RESF1: variants seen among roughly 807,000 people sequenced by gnomAD.
RESF1 encodes retroelement silencing factor 1.
Under a neutral mutation model 134.7 loss-of-function variants are expected in RESF1, and 65 were observed. The ratio of observed to expected loss-of-function variants is 0.48; its 90% CI spans 0.40 to 0.59. RESF1 has a LOEUF of 0.59. RESF1 is among the 20% of genes least tolerant of loss of function. The pLI, the probability that RESF1 is intolerant of heterozygous loss-of-function variation, is 0.00. For missense variants in RESF1, 2,274 were observed against 2,002.7 expected (o/e 1.14, Z -2.59); for synonymous variants, 762 against 702.2 (o/e 1.09, Z -1.35).
chr12:31,987,266 A>T lies in RESF1; in HGVS notation c.5030A>T (p.Asp1677Val). Reference sequence around the variant, plus strand: ...TCAGGAATAAAAAGTACAAAAGAAGACTGGTTAAAATTTGTTGCTACAAAG... The same window carrying T: ...TCAGGAATAAAAAGTACAAAAGAAGTCTGGTTAAAATTTGTTGCTACAAAG... The part of the protein sequence containing the change: ...QVSGIKSTKE[D>V]WLKFVATKKR... Residue 1677 changes from aspartate to valine, a missense_variant, in exon 5 of 6, where the codon GAC becomes GTC. Physicochemically the swap from Asp to Val is radical, Grantham distance 152. Transcript: ENST00000312561. The T allele has an allele frequency of 6.3e-7, 1 of 1,595,390 alleles. No individual in the cohort carries two copies. The highest frequency in any genetic ancestry group is 1.7e-5 in the Admixed American group (1 of 59,254).
rs1939838645 is a variant in RESF1, at chr12:31,982,810, A to G, written c.1855A>G (p.Asn619Asp). 5.6e-6 allele frequency: 9 copies of G among 1,614,054 alleles called. No homozygotes were observed. The highest frequency in any genetic ancestry group is 1.3e-5 in the African/African-American group (1 of 74,942). The change falls in exon 4 of 6, where the codon AAT becomes GAT. Residue 619 changes from asparagine (N) to aspartate (D), a missense_variant. Transcript: ENST00000312561. ...SKPDSCEMNP[N>D]TQMTGNQLNL... Reference sequence around the variant, plus strand: ...ACCAGACAGTTGTGAAATGAATCCAAATACCCAAATGACTGGTAACCAACT... The same window carrying G: ...ACCAGACAGTTGTGAAATGAATCCAGATACCCAAATGACTGGTAACCAACT...
In RESF1 at chr12:31,960,878, G is replaced by C. The variant is rs1939249675; in HGVS notation, c.-247+7G>C. 1 of 152,208 alleles carries C rather than the reference G, an allele frequency of 6.6e-6. No homozygotes were observed. The highest frequency in any genetic ancestry group is 2.4e-5 in the African/African-American group (1 of 41,448). 9.4% of individuals were successfully genotyped at this position (152,208 alleles called of 1,614,324 possible). The stretch of plus-strand genomic sequence containing the variant: ...AGTAAAGTTGTGCTCAACGGTAAGT[G>C]TATCACCTCTAAGAAACCCGCCCTG... On this transcript the variant is annotated splice_region_variant and intron_variant, in intron 2 of 5. Transcript: ENST00000312561.
chr12:31,982,896 C>G lies in RESF1; in HGVS notation c.1941C>G (p.Asn647Lys). 1 of 1,614,064 alleles carries G rather than the reference C, an allele frequency of 6.2e-7. No individual in the cohort carries two copies. The highest frequency in any genetic ancestry group is 1.1e-5 in the South Asian group (1 of 91,060). Reference sequence around the variant, plus strand: ...ATGTAAGTGGCAGGGTTTTGGACAACTCCTTTTGCAGTGGACAAGAATCCT... The same window carrying G: ...ATGTAAGTGGCAGGGTTTTGGACAAGTCCTTTTGCAGTGGACAAGAATCCT... ...TSNVSGRVLD[N>K]SFCSGQESST... Residue 647 changes from asparagine to lysine, a missense_variant, in exon 4 of 6, where the codon AAC (asparagine) becomes AAG (lysine). Coordinates refer to ENST00000312561, the MANE Select transcript of RESF1 (RefSeq NM_018169.4).
In RESF1 at chr12:31,985,139, A is replaced by G. The variant is rs768683054; in HGVS notation, c.4184A>G (p.Gln1395Arg). 6.5e-6 allele frequency: 10 copies of G among 1,549,690 alleles called. No homozygotes were observed. The highest frequency in any genetic ancestry group is 1.4e-5 in the African/African-American group (1 of 72,122). The change falls in exon 4 of 6, where the codon CAA becomes CGA. Residue 1395 changes from glutamine (Q) to arginine (R), a missense_variant. By Grantham distance (43) the Gln-to-Arg change is conservative. Coordinates refer to ENST00000312561, the MANE Select transcript of RESF1 (RefSeq NM_018169.4). ...GTAAAGAAAAAGAAACATGATAAAC[A>G]AGAACAGAAAGGAAGTGTGGGAGCT... ...MEVKKKKHDK[Q>R]EQKGSVGATF...
chr12:31,982,760 C>A lies in RESF1; in HGVS notation c.1805C>A (p.Ala602Asp), dbSNP rs762461066. 6.2e-7 allele frequency: 1 copy of A among 1,613,918 alleles called. No homozygotes were observed. The highest frequency in any genetic ancestry group is 1.3e-5 in the African/African-American group (1 of 74,934). The change falls in exon 4 of 6, where the codon GCT becomes GAT. Residue 602 changes from alanine to aspartate, a missense_variant. Ala to Asp is a moderately radical substitution (Grantham distance 126, BLOSUM62 -2). Transcript: ENST00000312561. Reference sequence around the variant, plus strand: ...ACTCAGAAGACAGTATTAAAAGATGCTAATCAAACTATTCAGGATTCTAAA... The same window carrying A: ...ACTCAGAAGACAGTATTAAAAGATGATAATCAAACTATTCAGGATTCTAAA... The part of the protein sequence containing the change: ...RKTQKTVLKD[A>D]NQTIQDSKPD...
chr12:31,974,970 G>A (rs1308408108), intron 3 of RESF1, among the ~76,000 whole-genome samples: 1 of 149,232 alleles, frequency 6.7e-6, no homozygotes, highest in Non-Finnish European at 1.5e-5. Context: ...TTCTAGAAGA[G>A]TTTTAGGTTT....
rs1939963870 is a variant in RESF1, at chr12:31,985,962, A to G, written c.5002+5A>G. 10 of 1,461,660 alleles carry G rather than the reference A, an allele frequency of 6.8e-6. No individual in the cohort carries two copies. Among genetic ancestry groups the G allele is most frequent in the South Asian group, 1.6e-5 (1 of 62,580 alleles). 90.5% of individuals were successfully genotyped at this position (1,461,660 alleles called of 1,614,324 possible). ...AGGAGCAAGCCCCTCTGCAAGGTCC[A>G]GTATGATTTTCTTGGTGGTGTCTAC... is the stretch of plus-strand genomic sequence containing the variant. On this transcript the variant is annotated splice_donor_5th_base_variant and intron_variant, in intron 4 of 5. Coordinates refer to ENST00000312561, the MANE Select transcript of RESF1 (RefSeq NM_018169.4).
At position 31,983,056 on chromosome 12, in the gene RESF1, A is replaced by G; in HGVS notation, c.2101A>G (p.Thr701Ala). 2.5e-6 allele frequency: 4 copies of G among 1,613,922 alleles called. No individual in the cohort carries two copies. In the African/African-American group the frequency reaches 4.0e-5, roughly 16 times the overall value. The change falls in exon 4 of 6, where the codon ACA becomes GCA. Residue 701 changes from threonine (T) to alanine (A), a missense_variant. Coordinates refer to ENST00000312561, the MANE Select transcript of RESF1 (RefSeq NM_018169.4). The part of the protein sequence containing the change: ...KECDKLRTNT[T>A]AVGISKPANI... The stretch of plus-strand genomic sequence containing the variant: ...GTGTGATAAACTCAGAACAAACACA[A>G]CAGCAGTTGGAATTTCAAAGCCTGC...
chr12:31,982,212 T>C lies in RESF1; in HGVS notation c.1257T>C (p.Asp419=), dbSNP rs1048096817. 1 of 1,612,092 alleles carries C rather than the reference T, an allele frequency of 6.2e-7. No individual in the cohort carries two copies. The highest frequency in any genetic ancestry group is 8.5e-7 in the Non-Finnish European group (1 of 1,179,592). The change falls in exon 4 of 6, where the codon GAT becomes GAC. Residue 419 remains aspartate (D), a synonymous_variant. Transcript: ENST00000312561. ...CAAGGAAAATTAAAATCAATAAAGA[T>C]CTTTTGATGGCAGCAGGTTGTATTA... ...ELARKIKINK[D]LLMAAGCIKM...
At chr12:31,964,903 T>C (rs1019625496) in intron 2 of RESF1, among the ~76,000 whole-genome samples, 18 of 152,188 alleles carry the variant, frequency 1.2e-4, no homozygotes, top group African/African-American at 3.9e-4. Context: ...TTCTGTTCCA[T>C]TGATCAATGC....
In RESF1 at chr12:31,982,647, T is replaced by A; in HGVS notation, c.1692T>A (p.Val564=). Reference sequence around the variant, plus strand: ...CAGCAGTTTGTGAAACAATTTCTGTTCCCAAGTCCATGTCCACTGAGGAAT... The same window carrying A: ...CAGCAGTTTGTGAAACAATTTCTGTACCCAAGTCCATGTCCACTGAGGAAT... The part of the protein sequence containing the change: ...NSPAVCETIS[V]PKSMSTEEYK... The change falls in exon 4 of 6, where the codon GTT becomes GTA. Residue 564 remains valine, a synonymous_variant. Coordinates refer to ENST00000312561, the MANE Select transcript of RESF1 (RefSeq NM_018169.4). 2 of 1,614,048 alleles carry A rather than the reference T, an allele frequency of 1.2e-6. No homozygotes were observed. Among genetic ancestry groups the A allele is most frequent in the South Asian group, 2.2e-5 (2 of 91,070 alleles).
chr12:31,960,693 AAAC>A, intron 1 of RESF1, 81 bp from the exon 2 acceptor site: 1 of 152,332 alleles, frequency 6.6e-6, no homozygotes. Flanking sequence ...CCATAAAAGA[AAAC>A]AGTTTTGCAC....
chr12:31,982,269 T>C lies in RESF1; in HGVS notation c.1314T>C (p.Ala438=), dbSNP rs1939817412. The C allele has an allele frequency of 1.2e-6, 2 of 1,614,064 alleles. No individual in the cohort carries two copies. The highest frequency in any genetic ancestry group is 4.5e-5 in the East Asian group (2 of 44,884). ...KMTNTSYSEP[A]QNSKLSLKQT... ...CTAATACTTCTTATAGTGAACCAGC[T>C]CAGAATTCTAAATTGTCTCTAAAAC... The change falls in exon 4 of 6, where the codon GCT becomes GCC. Residue 438 remains alanine, a synonymous_variant. Coordinates refer to ENST00000312561, the MANE Select transcript of RESF1 (RefSeq NM_018169.4).
chr12:31,985,792 C>A lies in RESF1; in HGVS notation c.4837C>A (p.Gln1613Lys). The A allele has an allele frequency of 6.4e-7, 1 of 1,565,418 alleles. No homozygotes were observed. ...CAGGAAGCTTCATAAAGATAAGAGA[C>A]AGGAAAATAAACATAAGACCTTTTT... ...SPRKLHKDKRQENKHKTFLPV... is the reference protein window; with the variant it reads ...SPRKLHKDKRKENKHKTFLPV... The change falls in exon 4 of 6, where the codon CAG (glutamine) becomes AAG (lysine). Residue 1613 changes from glutamine to lysine, a missense_variant. Physicochemically the swap from Gln to Lys is moderately conservative, Grantham distance 53. Coordinates refer to ENST00000312561, the MANE Select transcript of RESF1 (RefSeq NM_018169.4).
intron 3 of RESF1, among the ~76,000 whole-genome samples, chr12:31,976,933 C>G (rs1939648780): frequency 6.6e-6 from 1 of 152,112 alleles, no homozygotes; most frequent in Admixed American, 6.5e-5. Context: ...AAGCTTCATG[C>G]TTATTTTTTA....
In RESF1 at chr12:31,981,148, AAT is replaced by A; in HGVS notation, c.196_197del (p.Ile66ProfsTer11). 1 of 1,614,174 alleles carries A rather than the reference AAT, an allele frequency of 6.2e-7. No homozygotes were observed. The highest frequency in any genetic ancestry group is 8.5e-7 in the Non-Finnish European group (1 of 1,180,018). On this transcript the variant is annotated frameshift_variant, in exon 4 of 6. Coordinates refer to ENST00000312561, the MANE Select transcript of RESF1 (RefSeq NM_018169.4). LOFTEE classifies it high-confidence loss of function. ...NSNPISQPLL[N>X]IQNYPQQISV... is the part of the protein sequence containing the mutation. ...AAATCCAATTTCACAGCCACTGCTG[AAT>A]ATCCAAAATTATCCTCAACAAATTT...
intron 3 of RESF1, among the ~76,000 whole-genome samples, chr12:31,974,424 C>T (rs539072201): frequency 2.3e-4 from 35 of 152,060 alleles, no homozygotes; most frequent in African/African-American, 7.2e-4. Context: ...CTCCCAGTTC[C>T]GGCGGCTAGA....
rs935071115 is a variant in RESF1, at chr12:31,982,811, A to G, written c.1856A>G (p.Asn619Ser). ...SKPDSCEMNP[N>S]TQMTGNQLNL... Reference sequence around the variant, plus strand: ...CCAGACAGTTGTGAAATGAATCCAAATACCCAAATGACTGGTAACCAACTG... The same window carrying G: ...CCAGACAGTTGTGAAATGAATCCAAGTACCCAAATGACTGGTAACCAACTG... Residue 619 changes from asparagine (N) to serine (S), a missense_variant, in exon 4 of 6, where the codon AAT (asparagine) becomes AGT (serine). Transcript: ENST00000312561. The G allele has an allele frequency of 1.2e-6, 2 of 1,614,058 alleles. No individual in the cohort carries two copies. Among genetic ancestry groups the G allele is most frequent in the African/African-American group, 2.7e-5 (2 of 74,938 alleles).
In RESF1 at chr12:31,981,478, C is replaced by T. The variant is rs778436920; in HGVS notation, c.523C>T (p.Arg175Ter). The T allele has an allele frequency of 2.5e-6, 4 of 1,614,054 alleles. No homozygotes were observed. Among genetic ancestry groups the T allele is most frequent in the Admixed American group, 1.7e-5 (1 of 60,022 alleles). ...QMQMIPSNST[R>*]LPVAYQGNQG... is the part of the protein sequence containing the mutation. ...GCAGATGATCCCTTCTAATTCTACA[C>T]GACTTCCTGTAGCTTACCAAGGAAA... Residue 175 changes from arginine (R) to a stop codon, truncating the protein, a stop_gained, in exon 4 of 6, where the codon CGA (arginine) becomes TGA (stop). Coordinates refer to ENST00000312561, the MANE Select transcript of RESF1 (RefSeq NM_018169.4). LOFTEE classifies it high-confidence loss of function.
Sources: gnomAD v4.1 joint callset for allele counts (sites outside exome capture counted in the v4.1 genomes callset) on GRCh38, gnomAD v4.1.1 for gene constraint, MANE v1.5 for transcripts, NCBI Gene and HGNC (gene_info 2026-07-23, HGNC 2026-07-21) for gene names.